The following KCNMB4 variants were observed in gnomAD, a reference collection of about 807,000 sequenced individuals.
KCNMB4 encodes potassium calcium-activated channel subfamily M regulatory beta subunit 4, also known as calcium-activated potassium channel subunit beta-4.
Under a neutral mutation model 20.7 loss-of-function variants are expected in KCNMB4, and 3 were observed. That is an observed-to-expected ratio of 0.14 (90% CI 0.07 to 0.37). KCNMB4 has a LOEUF of 0.37. KCNMB4 is among the 10% of genes least tolerant of loss of function. The pLI is 1.00. For synonymous variants in KCNMB4, 110 were observed against 113.4 expected, an observed-to-expected ratio of 0.97 and a Z score of 0.19; for missense variants, 168 against 265.9, an observed-to-expected ratio of 0.63 and a Z score of 2.56.
At chr12:70,381,190 C>T (rs1883779582) in intron 1 of KCNMB4, among the ~76,000 whole-genome samples, 1 of 151,520 alleles carries the variant, frequency 6.6e-6, no homozygotes, top group Non-Finnish European at 1.5e-5. Flanking sequence ...AATCAAAACC[C>T]CAATGAAATA....
At chr12:70,425,475 C>T (rs1313797623) in intron 2 of KCNMB4, among the ~76,000 whole-genome samples, 2 of 152,050 alleles carry the variant, frequency 1.3e-5, no homozygotes, top group African/African-American at 4.8e-5. Context: ...GAATAATACT[C>T]GCATCAAGGC....
At chr12:70,413,508 C>T (rs1019977233) in intron 2 of KCNMB4, among the ~76,000 whole-genome samples, 2 of 152,096 alleles carry the variant, frequency 1.3e-5, no homozygotes, top group East Asian at 1.9e-4. Flanking sequence ...TGGCTCTCTT[C>T]GTGACTTAGT....
At chr12:70,371,622 G>T (rs528319690) in intron 1 of KCNMB4, among the ~76,000 whole-genome samples, 1 of 152,268 alleles carries the variant, frequency 6.6e-6, no homozygotes, top group African/African-American at 2.4e-5. Context: ...CTTTGGAGAT[G>T]ATGTTATATA....
At chr12:70,399,748 T>G (rs1411904587) in intron 1 of KCNMB4, among the ~76,000 whole-genome samples, 2 of 152,148 alleles carry the variant, frequency 1.3e-5, no homozygotes, top group African/African-American at 4.8e-5. Flanking sequence ...AAAAGAAAAC[T>G]TGGGTTTCAG....
At chr12:70,388,050 T>A (rs1490327429) in intron 1 of KCNMB4, among the ~76,000 whole-genome samples, 1 of 152,198 alleles carries the variant, frequency 6.6e-6, no homozygotes, top group East Asian at 1.9e-4. Flanking sequence ...GATTTTTAGA[T>A]CTCTCAAATA....
At chr12:70,394,145 T>C (rs1447056229) in intron 1 of KCNMB4, among the ~76,000 whole-genome samples, 1 of 152,170 alleles carries the variant, frequency 6.6e-6, no homozygotes, top group Non-Finnish European at 1.5e-5. Flanking sequence ...AGCTAATCTT[T>C]GTTTCCTATG....
intron 2 of KCNMB4, among the ~76,000 whole-genome samples, chr12:70,423,404 C>G (rs930078807): frequency 1.3e-5 from 2 of 152,086 alleles, no homozygotes; most frequent in Non-Finnish European, 2.9e-5. Context: ...GCCTTTCGTT[C>G]ATAGATAGGA....
rs989076856 is a variant in KCNMB4 at position 70,422,827 on chromosome 12, A to T, written c.465-7658A>T. ...TCACATTGGGAAAACCGACAGATGG[A>T]TAAAAAATAATTACCACACAGTGTG... is the stretch of plus-strand genomic sequence containing the variant. On this transcript the variant is annotated intron_variant, in intron 2 of 2. Coordinates refer to ENST00000258111, the MANE Select transcript of KCNMB4 (RefSeq NM_014505.6). 8.8e-6 allele frequency: 11 copies of T among 1,248,084 alleles called. No individual in the cohort carries two copies. In the African/African-American group the frequency reaches 1.1e-4, roughly 12 times the overall value. 77.3% of individuals were successfully genotyped at this position (1,248,084 alleles called of 1,614,324 possible).
chr12:70,384,508 C>T (rs942016375), intron 1 of KCNMB4, among the ~76,000 whole-genome samples: 10 of 152,156 alleles, frequency 6.6e-5, no homozygotes, highest in Admixed American at 4.6e-4. Context: ...TCACAGTCCC[C>T]GTTGGGGAAA....
chr12:70,431,139 GC>G lies in KCNMB4; in HGVS notation c.*487del, dbSNP rs1336232043. 1 of 151,604 alleles carries G rather than the reference GC, an allele frequency of 6.6e-6. No individual in the cohort carries two copies. Among genetic ancestry groups the G allele is most frequent in the East Asian group, 1.9e-4 (1 of 5,176 alleles). 9.4% of individuals were successfully genotyped at this position (151,604 alleles called of 1,614,324 possible). On this transcript the variant is annotated 3_prime_UTR_variant, in exon 3 of 3. Coordinates refer to ENST00000258111, the MANE Select transcript of KCNMB4 (RefSeq NM_014505.6). ...CTTTTACTTGACAACAAGGATTCCT[GC>G]TGAAGTCTGAACCTTACTGTGTAAC...
At chr12:70,393,432 A>T (rs1868318560) in intron 1 of KCNMB4, among the ~76,000 whole-genome samples, 1 of 151,832 alleles carries the variant, frequency 6.6e-6, no homozygotes, top group Non-Finnish European at 1.5e-5. Flanking sequence ...TGAACTCCTG[A>T]CCTTGTGACC....
intron 2 of KCNMB4, among the ~76,000 whole-genome samples, chr12:70,429,156 G>C (rs1224949219): frequency 6.6e-6 from 1 of 152,164 alleles, no homozygotes; most frequent in Non-Finnish European, 1.5e-5. Flanking sequence ...AATTATGAGA[G>C]CTGTGACTAA....
At chr12:70,390,007 C>T (rs925251141) in intron 1 of KCNMB4, among the ~76,000 whole-genome samples, 1 of 152,114 alleles carries the variant, frequency 6.6e-6, no homozygotes, top group African/African-American at 2.4e-5. Flanking sequence ...ATTTGTTAAC[C>T]AGTGTCCATA....
chr12:70,406,531 T>C (rs1868606464), intron 2 of KCNMB4, among the ~76,000 whole-genome samples: 1 of 152,192 alleles, frequency 6.6e-6, no homozygotes, highest in African/African-American at 2.4e-5. Flanking sequence ...GATTTCTTTT[T>C]CTGTGAGGTG....
At chr12:70,409,202 C>T (rs374065550) in intron 2 of KCNMB4, among the ~76,000 whole-genome samples, 9 of 152,132 alleles carry the variant, frequency 5.9e-5, no homozygotes, top group East Asian at 5.8e-4. Context: ...CAAACACACA[C>T]GTCAAATGAA....
chr12:70,425,009 T>C (rs1219880473), intron 2 of KCNMB4, among the ~76,000 whole-genome samples: 1 of 152,238 alleles, frequency 6.6e-6, no homozygotes, highest in Non-Finnish European at 1.5e-5. Context: ...ATTGTTAACA[T>C]CTTTCAGTAG....
At chr12:70,396,864 CTCGAGT>C (rs1190057136) in intron 1 of KCNMB4, among the ~76,000 whole-genome samples, 1 of 152,128 alleles carries the variant, frequency 6.6e-6, no homozygotes, top group Non-Finnish European at 1.5e-5. Flanking sequence ...TGACTGGATT[CTCGAGT>C]TCTTTTTCCA....
At chr12:70,394,052 A>G (rs767375806) in intron 1 of KCNMB4, among the ~76,000 whole-genome samples, 9 of 152,194 alleles carry the variant, frequency 5.9e-5, no homozygotes, top group African/African-American at 2.2e-4. Context: ...GTCACAAAGC[A>G]CTTTGTAAAT....
chr12:70,383,828 G>A (rs1883838702), intron 1 of KCNMB4, among the ~76,000 whole-genome samples: 2 of 152,150 alleles, frequency 1.3e-5, no homozygotes, highest in Admixed American at 1.3e-4. Flanking sequence ...CAGCACTTTG[G>A]GAGGCCAAGT....
Sources: allele counts gnomAD v4.1 joint callset (sites outside exome capture counted in the v4.1 genomes callset), GRCh38; gene constraint gnomAD v4.1.1; transcripts MANE v1.5; gene names NCBI Gene and HGNC (gene_info 2026-07-23, HGNC 2026-07-21).